Variants in SDK1 observed in about 807,000 individuals in gnomAD.
SDK1 encodes protein sidekick-1.
Under a neutral mutation model 245.5 loss-of-function variants are expected in SDK1, and 157 were observed. The observed-to-expected ratio is 0.64, with a 90% CI of 0.56 to 0.73. SDK1 has a LOEUF of 0.73. SDK1 is among the 30% of genes least tolerant of loss of function. SDK1 has a pLI of 0.00. For synonymous variants in SDK1, 1,647 were observed against 1,278.5 expected, an observed-to-expected ratio of 1.29 and a Z score of -6.15; for missense variants, 3,583 against 3,002.3, an observed-to-expected ratio of 1.19 and a Z score of -4.52.
At chr7:3,813,680 T>G (rs1235340310) in intron 4 of SDK1, among the ~76,000 whole-genome samples, 1 of 133,200 alleles carries the variant, frequency 7.5e-6, no homozygotes, top group African/African-American at 3.2e-5. Context: ...CCCCGAGGAA[T>G]CGCCACACTG....
chr7:3,977,459 G>A (rs1435013791), intron 13 of SDK1, among the ~76,000 whole-genome samples: 3 of 152,230 alleles, frequency 2.0e-5, no homozygotes, highest in Non-Finnish European at 4.4e-5. Flanking sequence ...TACGCATGGG[G>A]CAGCCAGGTT....
At chr7:3,650,989 T>C (rs964703929) in intron 4 of SDK1, among the ~76,000 whole-genome samples, 1 of 152,142 alleles carries the variant, frequency 6.6e-6, no homozygotes, top group African/African-American at 2.4e-5. Context: ...GTATCCAGTT[T>C]TTGGCCATGA....
At chr7:4,183,217 T>G (rs1782694575) in intron 35 of SDK1, among the ~76,000 whole-genome samples, 1 of 152,202 alleles carries the variant, frequency 6.6e-6, no homozygotes, top group East Asian at 1.9e-4. Flanking sequence ...TGCAAAAGTC[T>G]GAAAAGCATC....
At chr7:3,948,597 C>A (rs777581377) in intron 5 of SDK1, among the ~76,000 whole-genome samples, 2 of 152,214 alleles carry the variant, frequency 1.3e-5, no homozygotes, top group Non-Finnish European at 2.9e-5. Context: ...TGAATCAACA[C>A]GAAGGAGGGC....
At chr7:4,226,070 A>C (rs1048212120) in intron 40 of SDK1, among the ~76,000 whole-genome samples, 6 of 152,160 alleles carry the variant, frequency 3.9e-5, no homozygotes, top group African/African-American at 1.2e-4. Context: ...CTGGTACCTG[A>C]GGGCTTTGGA....
At chr7:3,938,510 G>T (rs1780239638) in intron 5 of SDK1, among the ~76,000 whole-genome samples, 1 of 152,064 alleles carries the variant, frequency 6.6e-6, no homozygotes, top group Non-Finnish European at 1.5e-5. Context: ...GCCGGGCGTG[G>T]TGGCAGGCAC....
chr7:3,696,430 T>C (rs977381466), intron 4 of SDK1, among the ~76,000 whole-genome samples: 6 of 152,140 alleles, frequency 3.9e-5, no homozygotes, highest in Admixed American at 1.3e-4. Context: ...CAGTAACTGA[T>C]TGGATCACTA....
chr7:3,599,026 C>G (rs1409375000), intron 1 of SDK1, among the ~76,000 whole-genome samples: 1 of 151,490 alleles, frequency 6.6e-6, no homozygotes, highest in Non-Finnish European at 1.5e-5. Context: ...CAGAAACCAC[C>G]AGTCTGGTTT....
At chr7:4,079,237 G>A (rs574046732) in intron 21 of SDK1, among the ~76,000 whole-genome samples, 53 of 152,322 alleles carry the variant, frequency 3.5e-4, no homozygotes, top group South Asian at 1.0e-3. Context: ...TGTTAGCGAC[G>A]TGTCTCCCAA....
At chr7:3,420,100 A>G (rs1411819270) in intron 1 of SDK1, among the ~76,000 whole-genome samples, 1 of 152,184 alleles carries the variant, frequency 6.6e-6, no homozygotes, top group Non-Finnish European at 1.5e-5. Flanking sequence ...CTTCTGTGCA[A>G]AGGAAAGCAT....
At chr7:4,015,787 G>A (rs1425802219) in intron 16 of SDK1, among the ~76,000 whole-genome samples, 1 of 152,208 alleles carries the variant, frequency 6.6e-6, no homozygotes, top group African/African-American at 2.4e-5. Context: ...TTTCAGGCAA[G>A]AGACAGAAGG....
chr7:4,075,195 G>A (rs796789071), intron 20 of SDK1, among the ~76,000 whole-genome samples: 1 of 152,040 alleles, frequency 6.6e-6, no homozygotes. Flanking sequence ...CAGCAGCCAG[G>A]CCTCCCCTCT....
At chr7:3,385,871 C>T (rs113702773) in intron 1 of SDK1, among the ~76,000 whole-genome samples, 3 of 152,230 alleles carry the variant, frequency 2.0e-5, no homozygotes, top group African/African-American at 7.2e-5. Flanking sequence ...ATTATTTCAG[C>T]ACTTTAATGA....
At position 3,329,579 on chromosome 7, in the gene SDK1, T is replaced by C. The variant is rs569535507; in HGVS notation, c.298+27695T>C. On this transcript the variant is annotated intron_variant, in intron 1 of 44. Coordinates refer to ENST00000404826, the MANE Select transcript of SDK1 (RefSeq NM_152744.4). ...GAACCATTAATCTACTTTGCGTCTCTATAGATTTGCCTTTTCTGGACATTT... is the reference window on the plus strand; with the variant it reads ...GAACCATTAATCTACTTTGCGTCTCCATAGATTTGCCTTTTCTGGACATTT... Among the ~76,000 whole-genome samples, 64 of 152,326 alleles carry C rather than the reference T, an allele frequency of 4.2e-4. 2 individuals are homozygous for C. Among genetic ancestry groups the C allele is most frequent in the African/African-American group, 1.3e-3 (56 of 41,574 alleles).
At chr7:3,698,343 G>T (rs1165465071) in intron 4 of SDK1, among the ~76,000 whole-genome samples, 1 of 152,172 alleles carries the variant, frequency 6.6e-6, no homozygotes, top group African/African-American at 2.4e-5. Context: ...GTGGTCACGC[G>T]TTCCCTCTCA....
chr7:3,875,368 C>T (rs1297720435), intron 5 of SDK1, among the ~76,000 whole-genome samples: 1 of 152,228 alleles, frequency 6.6e-6, no homozygotes, highest in African/African-American at 2.4e-5. Context: ...CAGTTTCTGC[C>T]ACTTACCTTT....
chr7:3,624,093 A>C (rs1474551228), intron 2 of SDK1, among the ~76,000 whole-genome samples: 2 of 152,230 alleles, frequency 1.3e-5, no homozygotes, highest in Non-Finnish European at 2.9e-5. Flanking sequence ...ATAAAAGATG[A>C]TACTTATGTA....
intron 1 of SDK1, among the ~76,000 whole-genome samples, chr7:3,602,890 A>G (rs1481680585): frequency 6.6e-6 from 1 of 152,104 alleles, no homozygotes; most frequent in Non-Finnish European, 1.5e-5. Flanking sequence ...TCAGCTTTCT[A>G]CATATGGCTA....
intron 1 of SDK1, among the ~76,000 whole-genome samples, chr7:3,332,584 T>C (rs192542753): frequency 6.6e-5 from 10 of 152,310 alleles, no homozygotes; most frequent in Admixed American, 5.9e-4. Flanking sequence ...TTATAATAAA[T>C]GTAAATGGCC....
Sources: allele counts gnomAD v4.1 joint callset (sites outside exome capture counted in the v4.1 genomes callset), GRCh38; gene constraint gnomAD v4.1.1; transcripts MANE v1.5; gene names NCBI Gene and HGNC (gene_info 2026-07-23, HGNC 2026-07-21).